SLC9B1: variants seen among roughly 807,000 people sequenced by gnomAD.
SLC9B1 encodes solute carrier family 9 member B1.
SLC9B1 carries 32 observed loss-of-function variants against 51.7 expected under a neutral mutation model. The ratio of observed to expected loss-of-function variants is 0.62; its 90% CI spans 0.47 to 0.83. SLC9B1 has a LOEUF of 0.83. Ranked by LOEUF, SLC9B1 falls within the 40% of genes least tolerant of loss-of-function variation. The pLI, the probability that SLC9B1 is intolerant of heterozygous loss-of-function variation, is 0.00. For missense variants in SLC9B1, 406 were observed against 613.2 expected (o/e 0.66, Z 3.57); for synonymous variants, 145 against 212.7 (o/e 0.68, Z 2.77).
At chr4:102,960,033 AT>A (rs1738020692) in intron 3 of SLC9B1, among the ~76,000 whole-genome samples, 1 of 152,040 alleles carries the variant, frequency 6.6e-6, no homozygotes, top group Non-Finnish European at 1.5e-5. Flanking sequence ...AAAAAACCAC[AT>A]CTGTTTCTTC....
At chr4:102,896,417 T>C (rs572601115), downstream of SLC9B1, among the ~76,000 whole-genome samples, 190 of 152,328 alleles carry the variant, frequency 1.2e-3, no homozygotes, top group African/African-American at 4.5e-3. Context: ...TTTTATAAAA[T>C]TGTGGATACC....
chr4:103,005,614 AC>A (rs1363702732), intron 1 of SLC9B1, among the ~76,000 whole-genome samples: 1 of 152,166 alleles, frequency 6.6e-6, no homozygotes, highest in African/African-American at 2.4e-5. Context: ...AACCTAACAG[AC>A]TTTTACACAA....
chr4:102,981,476 G>A (rs1739354297), intron 3 of SLC9B1, among the ~76,000 whole-genome samples: 1 of 152,128 alleles, frequency 6.6e-6, no homozygotes, highest in South Asian at 2.1e-4. Context: ...CACCTGCAAT[G>A]AATGAAAGTT....
intron 3 of SLC9B1, among the ~76,000 whole-genome samples, chr4:102,986,297 C>A (rs545063767): frequency 6.6e-6 from 1 of 150,730 alleles, no homozygotes; most frequent in African/African-American, 2.4e-5. Flanking sequence ...ATATTTCATG[C>A]CACTCTATTC....
At chr4:102,892,325 G>A in intron 11 of SLC9B1, 1 of 152,336 alleles carries the variant, frequency 6.6e-6, no homozygotes. Flanking sequence ...CTCCCAAAGT[G>A]CTGGGATTGC....
intron 11 of SLC9B1, among the ~76,000 whole-genome samples, chr4:102,902,196 T>C (rs1219506971): frequency 6.6e-6 from 1 of 152,176 alleles, no homozygotes; most frequent in Non-Finnish European, 1.5e-5. Context: ...TGTTTAATAA[T>C]CTAGGCATGA....
At chr4:102,892,068 A>T (rs1734272767) in intron 11 of SLC9B1, 1 of 152,070 alleles carries the variant, frequency 6.6e-6, no homozygotes, top group Non-Finnish European at 1.5e-5. Context: ...ATCTACTTTC[A>T]TATATTTTGA....
chr4:102,943,469 G>A (rs1401609417), intron 6 of SLC9B1, among the ~76,000 whole-genome samples: 1 of 149,120 alleles, frequency 6.7e-6, no homozygotes. Context: ...AAAATGTGGT[G>A]TATATATACG....
At chr4:102,949,449 A>G (rs745452445) in intron 3 of SLC9B1, 22 bp from the exon 4 acceptor site, 1 of 1,544,618 alleles carries the variant, frequency 6.5e-7, no homozygotes, top group African/African-American at 1.4e-5. Context: ...AAAAGTGTAC[A>G]GCTATATATC....
chr4:102,927,567 A>C (rs1736250265), intron 7 of SLC9B1, among the ~76,000 whole-genome samples: 1 of 152,236 alleles, frequency 6.6e-6, no homozygotes, highest in South Asian at 2.1e-4. Flanking sequence ...TTAAAAAGTC[A>C]GGAAACAACA....
At chr4:102,996,646 A>T (rs895212009) in intron 1 of SLC9B1, among the ~76,000 whole-genome samples, 4 of 152,200 alleles carry the variant, frequency 2.6e-5, no homozygotes, top group African/African-American at 9.6e-5. Flanking sequence ...ACAATTTATT[A>T]AAAATATCAT....
intron 3 of SLC9B1, among the ~76,000 whole-genome samples, chr4:102,988,953 C>T (rs1166558967): frequency 6.6e-6 from 1 of 151,982 alleles, no homozygotes; most frequent in African/African-American, 2.4e-5. Flanking sequence ...GTAGAAATGG[C>T]CTACTAAATA....
At chr4:102,918,096 G>GAA (rs71596380) in intron 7 of SLC9B1, among the ~76,000 whole-genome samples, 154 of 120,638 alleles carry the variant, frequency 1.3e-3, no homozygotes, top group African/African-American at 4.3e-3. Flanking sequence ...AAAGGCTAGA[G>GAA]AAAAAAAAAA....
At chr4:102,950,935 C>T (rs1306717451) in intron 3 of SLC9B1, among the ~76,000 whole-genome samples, 2 of 152,182 alleles carry the variant, frequency 1.3e-5, no homozygotes. Flanking sequence ...GCAGACATTG[C>T]AGTGAGCTGG....
At chr4:102,917,429 G>GTATCTA (rs70941638) in intron 7 of SLC9B1, among the ~76,000 whole-genome samples, 26,869 of 139,184 alleles carry the variant, frequency 0.19, 3,067 homozygotes, top group Non-Finnish European at 0.25. Flanking sequence ...TTATATGCAT[G>GTATCTA]TATCTATATC....
intron 1 of SLC9B1, among the ~76,000 whole-genome samples, chr4:102,994,581 CCA>C (rs1015547903): frequency 2.0e-5 from 3 of 152,142 alleles, no homozygotes; most frequent in Non-Finnish European, 4.4e-5. Flanking sequence ...TAACAGCAGC[CCA>C]CTCTGTGGTG....
chr4:102,982,962 G>A (rs1739432845), intron 3 of SLC9B1, among the ~76,000 whole-genome samples: 1 of 152,060 alleles, frequency 6.6e-6, no homozygotes, highest in African/African-American at 2.4e-5. Flanking sequence ...CCTTGTTACT[G>A]ATCTAGAAGA....
At chr4:102,991,564 C>A in intron 2 of SLC9B1, 79 bp downstream of exon 2, 1 of 985,410 alleles carries the variant, frequency 1.0e-6, no homozygotes, top group Non-Finnish European at 1.4e-6. Context: ...AGAAACCTAT[C>A]TAATAAGTAA....
At chr4:102,894,822 C>T (rs908318130) in intron 11 of SLC9B1, among the ~76,000 whole-genome samples, 2 of 151,984 alleles carry the variant, frequency 1.3e-5, no homozygotes, top group African/African-American at 4.8e-5. Context: ...GGGCTTGGCG[C>T]ATGCTTATAG....
Sources: allele counts gnomAD v4.1 joint callset (sites outside exome capture counted in the v4.1 genomes callset), GRCh38; gene constraint gnomAD v4.1.1; transcripts MANE v1.5; gene names NCBI Gene and HGNC (gene_info 2026-07-23, HGNC 2026-07-21).